Variants in AGBL1 observed in about 807,000 individuals in gnomAD.
The protein encoded by AGBL1 is AGBL carboxypeptidase 1, also known as cytosolic carboxypeptidase 4.
AGBL1 carries 130 observed loss-of-function variants against 118.9 expected under a neutral mutation model. The ratio of observed to expected loss-of-function variants is 1.09; its 90% CI spans 0.95 to 1.26. The LOEUF (loss-of-function observed/expected upper bound fraction) is 1.26. Among genes scored for constraint, AGBL1 ranks in the 50% most tolerant of loss-of-function variants. The pLI, the probability that AGBL1 is intolerant of heterozygous loss-of-function variation, is 0.00. For missense variants in AGBL1, 1,584 were observed against 1,298.1 expected (o/e 1.22, Z -3.38); for synonymous variants, 555 against 478.9 (o/e 1.16, Z -2.08).
chr15:86,976,744 G>T (rs1031369469), intron 23 of AGBL1, among the ~76,000 whole-genome samples: 1 of 151,160 alleles, frequency 6.6e-6, no homozygotes, highest in Admixed American at 6.6e-5. Flanking sequence ...TTTTAAATTC[G>T]TATCTTTTTT....
At chr15:86,701,976 C>G (rs574830898) in intron 22 of AGBL1, among the ~76,000 whole-genome samples, 7 of 149,446 alleles carry the variant, frequency 4.7e-5, no homozygotes, top group Admixed American at 1.3e-4. Context: ...CTCACTTTCT[C>G]TCCCTTCTCT....
At chr15:86,424,369 C>A (rs940291033) in intron 18 of AGBL1, among the ~76,000 whole-genome samples, 1 of 152,128 alleles carries the variant, frequency 6.6e-6, no homozygotes, top group Admixed American at 6.5e-5. Flanking sequence ...CTTCCTTACA[C>A]CTTATACAAA....
At chr15:86,638,349 G>A (rs2085134606) in intron 21 of AGBL1, among the ~76,000 whole-genome samples, 1 of 152,178 alleles carries the variant, frequency 6.6e-6, no homozygotes, top group South Asian at 2.1e-4. Context: ...CTGGCTCTTT[G>A]TAATGATCTT....
chr15:86,855,000 C>G (rs2079458368), intron 22 of AGBL1, among the ~76,000 whole-genome samples: 1 of 152,124 alleles, frequency 6.6e-6, no homozygotes, highest in South Asian at 2.1e-4. Flanking sequence ...GCCCATCTGG[C>G]ATGCAGAGGA....
chr15:86,707,626 A>G (rs1337812166), intron 22 of AGBL1, among the ~76,000 whole-genome samples: 1 of 152,142 alleles, frequency 6.6e-6, no homozygotes, highest in African/African-American at 2.4e-5. Flanking sequence ...GTTTACAGAA[A>G]CCACACCAAA....
chr15:86,524,906 T>C (rs1373929086), intron 19 of AGBL1, among the ~76,000 whole-genome samples: 1 of 152,070 alleles, frequency 6.6e-6, no homozygotes, highest in Non-Finnish European at 1.5e-5. Flanking sequence ...GCCAGAGCAA[T>C]CAGGCAAGAG....
intron 21 of AGBL1, among the ~76,000 whole-genome samples, chr15:86,606,275 T>C (rs1191052049): frequency 6.6e-6 from 1 of 151,938 alleles, no homozygotes; most frequent in East Asian, 1.9e-4. Flanking sequence ...TTTGGGGGAG[T>C]GAAAACATTC....
At chr15:86,836,476 A>G (rs1021602223) in intron 22 of AGBL1, among the ~76,000 whole-genome samples, 2 of 152,184 alleles carry the variant, frequency 1.3e-5, no homozygotes, top group South Asian at 2.1e-4. Context: ...ACATCAGGCA[A>G]TAGTATCCTA....
intron 22 of AGBL1, among the ~76,000 whole-genome samples, chr15:86,789,414 G>T (rs548135163): frequency 1.3e-5 from 2 of 152,232 alleles, no homozygotes; most frequent in African/African-American, 2.4e-5. Flanking sequence ...GGCTTTGGTA[G>T]TTGCTGCCAG....
chr15:86,851,383 T>C (rs980924401), intron 22 of AGBL1, among the ~76,000 whole-genome samples: 1 of 152,090 alleles, frequency 6.6e-6, no homozygotes, highest in Admixed American at 6.6e-5. Context: ...TTAAACAGTT[T>C]TGATGGGGGC....
At chr15:86,997,654 T>C (rs1207443125) in intron 24 of AGBL1, among the ~76,000 whole-genome samples, 1 of 152,122 alleles carries the variant, frequency 6.6e-6, no homozygotes, top group African/African-American at 2.4e-5. Context: ...TGTGCTAGGT[T>C]TCTTTTTGTT....
At chr15:86,564,173 A>G (rs949800865) in intron 21 of AGBL1, among the ~76,000 whole-genome samples, 1 of 152,196 alleles carries the variant, frequency 6.6e-6, no homozygotes, top group East Asian at 1.9e-4. Flanking sequence ...TCCTGTCATT[A>G]TAATGTTAAC....
At position 86,628,773 on chromosome 15, in the gene AGBL1, G is replaced by A. The variant is rs138100479; in HGVS notation, c.2995-45500G>A. On this transcript the variant is annotated intron_variant, in intron 21 of 22. Coordinates refer to ENST00000614907, the MANE Select transcript of AGBL1 (RefSeq NM_001386094.1). ...ATTGCACCACTGAACTCCAGCCTGG[G>A]AGACAGTGAGACTCCATCTCAAAAA... 2.9e-3 allele frequency among the ~76,000 whole-genome samples: 448 copies of A among 152,188 alleles called. 3 individuals carry two copies. Among genetic ancestry groups the A allele is most frequent in the African/African-American group, 0.01 (429 of 41,526 alleles).
intron 22 of AGBL1, among the ~76,000 whole-genome samples, chr15:86,782,760 A>G (rs1451532729): frequency 1.3e-5 from 2 of 152,208 alleles, no homozygotes; most frequent in Non-Finnish European, 2.9e-5. Context: ...ACATTTTTAT[A>G]AATGTTGAGA....
chr15:86,224,532 GAC>G (rs931684651), intron 5 of AGBL1, among the ~76,000 whole-genome samples: 2 of 152,034 alleles, frequency 1.3e-5, no homozygotes, highest in Non-Finnish European at 2.9e-5. Flanking sequence ...CTCCTTCCCA[GAC>G]CATCCTCCAG....
intron 18 of AGBL1, among the ~76,000 whole-genome samples, chr15:86,430,680 T>C (rs1021503069): frequency 1.3e-5 from 2 of 152,102 alleles, no homozygotes; most frequent in Non-Finnish European, 2.9e-5. Flanking sequence ...TAATTTGCTG[T>C]GGAAGCAAAG....
intron 18 of AGBL1, among the ~76,000 whole-genome samples, chr15:86,427,513 A>G (rs2081881395): frequency 1.3e-5 from 2 of 151,562 alleles, no homozygotes; most frequent in African/African-American, 2.4e-5. Context: ...ATTGAGACCC[A>G]CAGTTCATGA....
At chr15:86,688,550 A>G (rs1013848795) in intron 22 of AGBL1, among the ~76,000 whole-genome samples, 1 of 152,158 alleles carries the variant, frequency 6.6e-6, no homozygotes, top group Non-Finnish European at 1.5e-5. Flanking sequence ...AATATACGCA[A>G]GTGAGTGTGA....
At chr15:86,206,791 C>G (rs1412018378) in intron 5 of AGBL1, among the ~76,000 whole-genome samples, 1 of 152,152 alleles carries the variant, frequency 6.6e-6, no homozygotes, top group East Asian at 1.9e-4. Flanking sequence ...GTTTCTTTTG[C>G]TGTGCAGAAG....
Sources: gnomAD v4.1 joint callset for allele counts (sites outside exome capture counted in the v4.1 genomes callset) on GRCh38, gnomAD v4.1.1 for gene constraint, MANE v1.5 for transcripts, NCBI Gene and HGNC (gene_info 2026-07-23, HGNC 2026-07-21) for gene names.